The following ASIC2 variants were observed in gnomAD, a reference collection of about 807,000 sequenced individuals.
ASIC2 encodes the protein acid-sensing ion channel 2.
In ASIC2, 25 loss-of-function variants were observed where a neutral mutation model predicts 57.3. The observed-to-expected ratio is 0.44, with a 90% CI of 0.32 to 0.61. The LOEUF is 0.61. ASIC2 is among the 20% of genes least tolerant of loss of function. The probability of loss-of-function intolerance (pLI) is 0.06; values close to 1 mark genes in which losing one functional copy is unlikely to be tolerated. For missense variants in ASIC2, 641 were observed against 738.1 expected (o/e 0.87, Z 1.52); for synonymous variants, 319 against 307.5 (o/e 1.04, Z -0.39).
At chr17:33,242,560 C>A (rs542767531) in intron 1 of ASIC2, among the ~76,000 whole-genome samples, 1 of 152,216 alleles carries the variant, frequency 6.6e-6, no homozygotes, top group African/African-American at 2.4e-5. Context: ...GATTTAAACC[C>A]AGTCTGTGTG....
intron 4 of ASIC2, among the ~76,000 whole-genome samples, chr17:33,026,724 TC>T (rs1330030404): frequency 6.6e-6 from 1 of 152,184 alleles, no homozygotes; most frequent in African/African-American, 2.4e-5. Context: ...TGAGTAATAT[TC>T]CCCAGTACTG....
intron 2 of ASIC2, among the ~76,000 whole-genome samples, chr17:33,095,139 G>A (rs987668168): frequency 1.3e-5 from 2 of 152,184 alleles, no homozygotes; most frequent in African/African-American, 2.4e-5. Context: ...AATTTGCAGT[G>A]TCATCATCAC....
At chr17:33,614,630 G>C (rs1012774705) in intron 1 of ASIC2, among the ~76,000 whole-genome samples, 2 of 152,074 alleles carry the variant, frequency 1.3e-5, no homozygotes, top group African/African-American at 2.4e-5. Context: ...AAATACCTTT[G>C]ATGTGAAATC....
At chr17:34,130,155 A>C (rs1014288925) in intron 1 of ASIC2, among the ~76,000 whole-genome samples, 5 of 152,240 alleles carry the variant, frequency 3.3e-5, no homozygotes, top group Admixed American at 1.3e-4. Flanking sequence ...GACATGAAGA[A>C]AGACAGAATG....
chr17:34,000,904 A>G (rs1906318157), intron 1 of ASIC2: 1 of 152,078 alleles, frequency 6.6e-6, no homozygotes, highest in South Asian at 2.1e-4. Flanking sequence ...TCTCAGCTCC[A>G]GAATTTATCT....
intron 1 of ASIC2, among the ~76,000 whole-genome samples, chr17:33,528,399 C>G (rs1409606151): frequency 6.6e-6 from 1 of 152,068 alleles, no homozygotes; most frequent in African/African-American, 2.4e-5. Flanking sequence ...ACTGGGCTGC[C>G]CCACCACAAA....
chr17:33,086,013 C>T (rs1197125270), intron 3 of ASIC2, among the ~76,000 whole-genome samples: 3 of 152,114 alleles, frequency 2.0e-5, no homozygotes, highest in African/African-American at 7.2e-5. Flanking sequence ...CAAATTTGCC[C>T]TCCGAAGCTG....
At chr17:33,161,899 T>G (rs9902792) in intron 1 of ASIC2, among the ~76,000 whole-genome samples, 1 of 136,602 alleles carries the variant, frequency 7.3e-6, no homozygotes, top group Non-Finnish European at 1.5e-5. Context: ...TTCAAAACTG[T>G]GCTTTTAAGT....
chr17:34,044,161 C>G (rs952151798), intron 1 of ASIC2, among the ~76,000 whole-genome samples: 1 of 151,338 alleles, frequency 6.6e-6, no homozygotes, highest in African/African-American at 2.4e-5. Flanking sequence ...AAGAAGAAGG[C>G]CTGAAGGGAC....
chr17:33,981,455 T>C (rs539590919), intron 1 of ASIC2, among the ~76,000 whole-genome samples: 9 of 152,354 alleles, frequency 5.9e-5, no homozygotes, highest in African/African-American at 2.2e-4. Flanking sequence ...TGGGTGGTAC[T>C]GTTCTTACTT....
intron 1 of ASIC2, among the ~76,000 whole-genome samples, chr17:33,686,701 C>G (rs1279392857): frequency 6.6e-6 from 1 of 152,184 alleles, no homozygotes; most frequent in Non-Finnish European, 1.5e-5. Context: ...CCAAACAGCT[C>G]CTGGAATTGG....
At chr17:33,443,406 A>AGTTTTTTTTTTTTTTT (rs1911895039) in intron 1 of ASIC2, among the ~76,000 whole-genome samples, 1 of 75,232 alleles carries the variant, frequency 1.3e-5, no homozygotes, top group Non-Finnish European at 2.4e-5. Context: ...GGAGGGTAAG[A>AGTTTTTTTTTTTTTTT]TTTTTTTTTT....
At chr17:33,980,437 A>C (rs1011811480) in intron 1 of ASIC2, among the ~76,000 whole-genome samples, 3 of 152,224 alleles carry the variant, frequency 2.0e-5, no homozygotes, top group Admixed American at 2.0e-4. Context: ...GAGACTAGGA[A>C]GTGAAAGAAT....
intron 1 of ASIC2, among the ~76,000 whole-genome samples, chr17:33,802,512 G>A (rs946651260): frequency 5.3e-5 from 8 of 152,202 alleles, no homozygotes; most frequent in East Asian, 1.9e-4. Flanking sequence ...CCCTGCCCAC[G>A]TGGAAGGTGG....
At chr17:33,450,283 C>T (rs1198030910) in intron 1 of ASIC2, among the ~76,000 whole-genome samples, 1 of 152,182 alleles carries the variant, frequency 6.6e-6, no homozygotes. Context: ...AGTATGCAGA[C>T]ACTATTATTT....
intron 1 of ASIC2, among the ~76,000 whole-genome samples, chr17:33,970,174 C>G (rs1179992334): frequency 6.6e-6 from 1 of 152,118 alleles, no homozygotes; most frequent in Non-Finnish European, 1.5e-5. Flanking sequence ...TGGCCTCTAC[C>G]CACTAGATGC....
At chr17:33,294,272 C>G (rs1382274351), upstream of ASIC2, among the ~76,000 whole-genome samples, 1 of 152,064 alleles carries the variant, frequency 6.6e-6, no homozygotes, top group Non-Finnish European at 1.5e-5. Flanking sequence ...TGAAGGGACT[C>G]CAAGGGTGGG....
chr17:33,027,590 T>A (rs999280811), intron 4 of ASIC2, among the ~76,000 whole-genome samples: 5 of 152,204 alleles, frequency 3.3e-5, no homozygotes, highest in African/African-American at 1.2e-4. Flanking sequence ...TTCATAAACG[T>A]GAGAACAGAG....
At chr17:33,518,475 G>A (rs1914639887) in intron 1 of ASIC2, among the ~76,000 whole-genome samples, 1 of 152,172 alleles carries the variant, frequency 6.6e-6, no homozygotes, top group South Asian at 2.1e-4. Context: ...GGCACCATGA[G>A]CACTAAGCTC....
Sources: allele counts gnomAD v4.1 joint callset (sites outside exome capture counted in the v4.1 genomes callset), GRCh38; gene constraint gnomAD v4.1.1; transcripts MANE v1.5; gene names NCBI Gene and HGNC (gene_info 2026-07-23, HGNC 2026-07-21).